DNAJB14: variants seen among roughly 807,000 people sequenced by gnomAD.
DNAJB14 encodes the protein DnaJ heat shock protein family (Hsp40) member B14.
In DNAJB14, 22 loss-of-function variants were observed where a neutral mutation model predicts 48.4. The ratio of observed to expected loss-of-function variants is 0.45; its 90% CI spans 0.32 to 0.65. The LOEUF (loss-of-function observed/expected upper bound fraction) is 0.65, where lower values mean the gene tolerates loss of function less well. Ranked by LOEUF, DNAJB14 falls within the 30% of genes least tolerant of loss-of-function variation. DNAJB14 has a pLI of 0.03. For synonymous variants in DNAJB14, 142 were observed against 158.7 expected (o/e 0.89, Z 0.79); for missense variants, 319 against 458.8 (o/e 0.70, Z 2.78).
intron 5 of DNAJB14, chr4:99,905,960 CTT>C: frequency 7.6e-7 from 1 of 1,310,852 alleles, no homozygotes; most frequent in Non-Finnish European, 9.8e-7. Flanking sequence ...ATTTCTTTCT[CTT>C]TCTCTTTCCC....
intron 3 of DNAJB14, among the ~76,000 whole-genome samples, chr4:99,916,819 C>A (rs550123795): frequency 6.6e-6 from 1 of 152,098 alleles, no homozygotes; most frequent in South Asian, 2.1e-4. Flanking sequence ...CCCTTTACTT[C>A]CCTTTATCTT....
At chr4:99,929,446 G>C (rs1726380271) in intron 2 of DNAJB14, 1 of 152,004 alleles carries the variant, frequency 6.6e-6, no homozygotes, top group Non-Finnish European at 1.5e-5. Context: ...TTACAATCAA[G>C]CTTTAGCATT....
chr4:99,914,921 T>C (rs537391951), intron 3 of DNAJB14, among the ~76,000 whole-genome samples: 1 of 152,302 alleles, frequency 6.6e-6, no homozygotes, highest in Non-Finnish European at 1.5e-5. Context: ...CTTTTTTTGG[T>C]CAGTCTTTCA....
chr4:99,908,138 T>C (rs184242219), intron 4 of DNAJB14, among the ~76,000 whole-genome samples: 22 of 152,300 alleles, frequency 1.4e-4, no homozygotes, highest in African/African-American at 5.3e-4. Flanking sequence ...GTTGGTACTA[T>C]AAAATCTTAG....
chr4:99,906,406 G>T (rs1725468539), intron 5 of DNAJB14, 111 bp downstream of exon 5: 3 of 1,116,086 alleles, frequency 2.7e-6, no homozygotes, highest in African/African-American at 1.6e-5. Context: ...AACACCTCTA[G>T]TAAGAGAAAA....
rs192217642 is a variant in DNAJB14 at position 99,923,845 on chromosome 4, G to T, written c.306-660C>A. ...TAAACCACTGCACCCGGCCATCCCC[G>T]TTATGCCAAAGATAATTTATCTGTA... On this transcript the variant is annotated intron_variant, in intron 2 of 7. Coordinates refer to ENST00000442697, the MANE Select transcript of DNAJB14 (RefSeq NM_001031723.4). 3,166 of 984,756 alleles carry T rather than the reference G, an allele frequency of 3.2e-3. 3 individuals carry two copies. Among genetic ancestry groups the T allele is most frequent in the Admixed American group, 3.8e-3 (61 of 16,252 alleles). The allele number at this position is 984,756 out of a possible 1,614,324, so 61.0% of individuals were successfully genotyped here. A position where few individuals can be genotyped will look rare whatever the true frequency, so the allele number is the denominator to read the frequency against.
rs988434650 is a variant in DNAJB14, at chr4:99,907,661, G to C, written c.637+1050C>G. On this transcript the variant is annotated intron_variant, in intron 4 of 7. Transcript: ENST00000442697. ...CCAGTGTACTCCAGCCTGGGCAACAGAGCAAGACCCTGTCTCTATTAAAAA... is the reference window on the plus strand; with the variant it reads ...CCAGTGTACTCCAGCCTGGGCAACACAGCAAGACCCTGTCTCTATTAAAAA... Among the ~76,000 whole-genome samples the C allele has an allele frequency of 2.6e-5, 4 of 152,056 alleles. No homozygotes were observed. In the East Asian group the frequency reaches 7.7e-4, roughly 29 times the overall value.
chr4:99,904,932 T>C (rs1043080508), intron 6 of DNAJB14, among the ~76,000 whole-genome samples: 3 of 152,108 alleles, frequency 2.0e-5, no homozygotes, highest in African/African-American at 7.2e-5. Context: ...AAAATCTTAT[T>C]TGGAAGAAAT....
chr4:99,918,072 C>G (rs1725920606), intron 3 of DNAJB14, among the ~76,000 whole-genome samples: 1 of 152,156 alleles, frequency 6.6e-6, no homozygotes, highest in Non-Finnish European at 1.5e-5. Flanking sequence ...GCTCTGCCCT[C>G]TTTCTCCCTT....
At chr4:99,943,512 T>A (rs1419663215) in intron 1 of DNAJB14, among the ~76,000 whole-genome samples, 2 of 152,204 alleles carry the variant, frequency 1.3e-5, no homozygotes, top group Non-Finnish European at 2.9e-5. Flanking sequence ...AAAATGGGGA[T>A]GACACCAAAA....
intron 1 of DNAJB14, among the ~76,000 whole-genome samples, chr4:99,945,363 CA>C (rs1429862110): frequency 6.6e-6 from 1 of 152,132 alleles, no homozygotes; most frequent in African/African-American, 2.4e-5. Flanking sequence ...TAAGAGACAA[CA>C]AAACAAGTGG....
At chr4:99,945,268 G>GTAT (rs1388961974) in intron 1 of DNAJB14, among the ~76,000 whole-genome samples, 2 of 152,068 alleles carry the variant, frequency 1.3e-5, no homozygotes, top group Non-Finnish European at 2.9e-5. Context: ...TGTCCTCATG[G>GTAT]GTATAGTGTT....
chr4:99,903,519 A>G (rs956113331), intron 7 of DNAJB14, among the ~76,000 whole-genome samples: 2 of 152,106 alleles, frequency 1.3e-5, no homozygotes, highest in South Asian at 2.1e-4. Flanking sequence ...ATTGATAACA[A>G]TAGACAAGTA....
chr4:99,938,203 G>A (rs1206474764), intron 1 of DNAJB14, among the ~76,000 whole-genome samples: 1 of 148,240 alleles, frequency 6.7e-6, no homozygotes, highest in Non-Finnish European at 1.5e-5. Flanking sequence ...CCAGGAGGTG[G>A]AGGTTGCGGT....
chr4:99,933,382 T>C (rs940033662), intron 1 of DNAJB14, among the ~76,000 whole-genome samples: 9 of 146,740 alleles, frequency 6.1e-5, no homozygotes, highest in Non-Finnish European at 1.0e-4. Flanking sequence ...GCAACCTCCG[T>C]CTCCTGGGTT....
At chr4:99,915,547 T>G (rs1040615981) in intron 3 of DNAJB14, among the ~76,000 whole-genome samples, 4 of 152,230 alleles carry the variant, frequency 2.6e-5, no homozygotes, top group African/African-American at 9.6e-5. Context: ...TCCTATTACC[T>G]TTGTGTAACT....
intron 3 of DNAJB14, among the ~76,000 whole-genome samples, chr4:99,913,128 T>A (rs1310886613): frequency 6.6e-6 from 1 of 152,250 alleles, no homozygotes; most frequent in African/African-American, 2.4e-5. Flanking sequence ...CATTTGCACA[T>A]AACAACAGTT....
At chr4:99,912,629 G>A (rs564169357) in intron 3 of DNAJB14, among the ~76,000 whole-genome samples, 5 of 152,206 alleles carry the variant, frequency 3.3e-5, no homozygotes, top group African/African-American at 4.8e-5. Flanking sequence ...ACAGGCATGC[G>A]CCACCACGCC....
intron 2 of DNAJB14, chr4:99,924,562 AACATG>A: frequency 1.8e-6 from 1 of 564,166 alleles, no homozygotes; most frequent in Non-Finnish European, 2.8e-6. Flanking sequence ...TTATTCCAAA[AACATG>A]ACATTTCCTT....
Sources: allele counts gnomAD v4.1 joint callset (sites outside exome capture counted in the v4.1 genomes callset), GRCh38; gene constraint gnomAD v4.1.1; transcripts MANE v1.5; gene names NCBI Gene and HGNC (gene_info 2026-07-23, HGNC 2026-07-21).